Variants in SULF1 observed in about 807,000 individuals in gnomAD.
SULF1 encodes sulfatase 1, also known as extracellular sulfatase Sulf-1.
Under a neutral mutation model 110.5 loss-of-function variants are expected in SULF1, and 46 were observed. The ratio of observed to expected loss-of-function variants is 0.42; its 90% CI spans 0.33 to 0.53. SULF1 has a LOEUF of 0.53. Ranked by LOEUF, SULF1 falls within the 20% of genes least tolerant of loss-of-function variation. The pLI is 0.12. For synonymous variants in SULF1, 371 were observed against 387.1 expected (o/e 0.96, Z 0.49); for missense variants, 941 against 1,094.2 (o/e 0.86, Z 1.98).
chr8:69,574,590 T>C (rs1004825684), intron 5 of SULF1, among the ~76,000 whole-genome samples: 2 of 152,270 alleles, frequency 1.3e-5, no homozygotes, highest in Non-Finnish European at 2.9e-5. Flanking sequence ...GGTTCTCCTC[T>C]AGAGAATTTA....
intron 3 of SULF1, among the ~76,000 whole-genome samples, chr8:69,507,411 G>T (rs1185738930): frequency 6.6e-6 from 1 of 152,100 alleles, no homozygotes; most frequent in East Asian, 1.9e-4. Flanking sequence ...TAGTTCCAAT[G>T]GCAAATATTC....
At chr8:69,582,911 G>A (rs889392484) in intron 6 of SULF1, among the ~76,000 whole-genome samples, 1 of 152,174 alleles carries the variant, frequency 6.6e-6, no homozygotes, top group Admixed American at 6.5e-5. Flanking sequence ...GAAAAGGTCA[G>A]TTCGTCTCTA....
upstream of SULF1, among the ~76,000 whole-genome samples, chr8:69,491,947 G>A (rs1038456218): frequency 6.6e-6 from 1 of 152,076 alleles, no homozygotes; most frequent in Non-Finnish European, 1.5e-5. Context: ...AGCCTTGAAG[G>A]AAGTGGGTGT....
At chr8:69,588,612 A>G (rs1319166943) in intron 7 of SULF1, among the ~76,000 whole-genome samples, 5 of 152,172 alleles carry the variant, frequency 3.3e-5, no homozygotes, top group South Asian at 2.1e-4. Flanking sequence ...AATTACATCA[A>G]TGAAACCTGA....
intron 5 of SULF1, 94 bp from the exon 6 acceptor site, chr8:69,575,876 A>G (rs897115810): frequency 3.7e-5 from 53 of 1,451,328 alleles, no homozygotes; most frequent in Non-Finnish European, 4.7e-5. Context: ...AAGGAAATGA[A>G]TAAGTCAGGG....
At chr8:69,642,460 C>G in intron 22 of SULF1, 1 of 905,800 alleles carries the variant, frequency 1.1e-6, no homozygotes, top group Non-Finnish European at 1.3e-6. Context: ...CTCAATCTGC[C>G]CCACACCAAC....
intron 3 of SULF1, among the ~76,000 whole-genome samples, chr8:69,518,750 G>A (rs149842522): frequency 4.6e-5 from 7 of 152,248 alleles, no homozygotes; most frequent in African/African-American, 9.6e-5. Flanking sequence ...CTTGAGGGCC[G>A]ACTGGCTGTG....
At chr8:69,634,581 CAA>C in intron 19 of SULF1, among the ~76,000 whole-genome samples, 1 of 152,118 alleles carries the variant, frequency 6.6e-6, no homozygotes, top group Non-Finnish European at 1.5e-5. Context: ...CCAGCCTGGG[CAA>C]CATGGTGAAA....
intron 13 of SULF1, among the ~76,000 whole-genome samples, chr8:69,610,244 A>G (rs1243155007): frequency 6.6e-6 from 1 of 152,244 alleles, no homozygotes; most frequent in East Asian, 1.9e-4. Context: ...AATAGAATGT[A>G]GTTTGTTGAG....
At chr8:69,572,080 A>G (rs535194658) in intron 5 of SULF1, among the ~76,000 whole-genome samples, 3 of 152,336 alleles carry the variant, frequency 2.0e-5, no homozygotes, top group African/African-American at 4.8e-5. Flanking sequence ...AGGGGAGGGT[A>G]GGAGACAGGT....
chr8:69,517,345 T>G (rs538550564), intron 3 of SULF1, among the ~76,000 whole-genome samples: 3 of 152,346 alleles, frequency 2.0e-5, no homozygotes, highest in African/African-American at 4.8e-5. Context: ...CAATGGCAAC[T>G]AAATTTCAAC....
intron 3 of SULF1, chr8:69,562,960 T>C (rs1474788713): frequency 6.6e-6 from 1 of 152,398 alleles, no homozygotes; most frequent in Non-Finnish European, 1.5e-5. Flanking sequence ...CTTTTCCTTC[T>C]GGTGATTGAT....
chr8:69,599,623 CG>C (rs1453215472), intron 8 of SULF1, among the ~76,000 whole-genome samples: 1 of 152,110 alleles, frequency 6.6e-6, no homozygotes, highest in East Asian at 1.9e-4. Flanking sequence ...AACTCTCACT[CG>C]GTTTTTAATA....
At chr8:69,625,032 G>A (rs952504142) in intron 15 of SULF1, among the ~76,000 whole-genome samples, 2 of 152,204 alleles carry the variant, frequency 1.3e-5, no homozygotes, top group Non-Finnish European at 2.9e-5. Context: ...GTTTAGACCA[G>A]AATGCATTTC....
intron 5 of SULF1, among the ~76,000 whole-genome samples, chr8:69,574,826 G>C (rs1805486081): frequency 6.6e-6 from 1 of 152,162 alleles, no homozygotes; most frequent in African/African-American, 2.4e-5. Context: ...GCTCTAATGA[G>C]ACCCAATTAG....
At chr8:69,571,707 C>T (rs1805247794) in intron 5 of SULF1, among the ~76,000 whole-genome samples, 1 of 152,178 alleles carries the variant, frequency 6.6e-6, no homozygotes, top group Admixed American at 6.5e-5. Flanking sequence ...CTGCTCTCAA[C>T]AGCTGTGAAT....
intron 13 of SULF1, among the ~76,000 whole-genome samples, chr8:69,613,959 C>CAA (rs35592356): frequency 3.2e-4 from 47 of 146,642 alleles, no homozygotes; most frequent in Admixed American, 1.4e-3. Context: ...GAGTTAGCAG[C>CAA]AAAAAAAAAA....
At chr8:69,538,693 C>CT (rs79507088) in intron 3 of SULF1, among the ~76,000 whole-genome samples, 17,129 of 151,052 alleles carry the variant, frequency 0.11, 1,003 homozygotes, top group Middle Eastern at 0.19. Context: ...TTTCTTTTTT[C>CT]TTTTTTTTTG....
chr8:69,626,546 C>A (rs1810051716), intron 15 of SULF1, among the ~76,000 whole-genome samples: 1 of 152,192 alleles, frequency 6.6e-6, no homozygotes, highest in Admixed American at 6.5e-5. Context: ...TGGTGCTCGT[C>A]GGGGAGGCTC....
Sources: gnomAD v4.1 joint callset for allele counts (sites outside exome capture counted in the v4.1 genomes callset) on GRCh38, gnomAD v4.1.1 for gene constraint, MANE v1.5 for transcripts, NCBI Gene and HGNC (gene_info 2026-07-23, HGNC 2026-07-21) for gene names.